The following ALG5 variants were observed in gnomAD, a reference collection of about 807,000 sequenced individuals.
ALG5 encodes the protein ALG5 dolichyl-phosphate beta-glucosyltransferase.
ALG5 carries 26 observed loss-of-function variants against 51.8 expected under a neutral mutation model. The ratio of observed to expected loss-of-function variants is 0.50; its 90% CI spans 0.37 to 0.70. The LOEUF is 0.70. Among genes scored for constraint, ALG5 ranks in the 30% least tolerant of loss-of-function variants. The pLI is 0.00. For synonymous variants in ALG5, 141 were observed against 136.1 expected, an observed-to-expected ratio of 1.04 and a Z score of -0.25; for missense variants, 311 against 399.3, an observed-to-expected ratio of 0.78 and a Z score of 1.88.
intron 7 of ALG5, chr13:36,968,095 C>A (rs73539786): frequency 0.011 from 1,886 of 174,300 alleles, 28 homozygotes; most frequent in African/African-American, 0.042. Flanking sequence ...CAAGGTTAGT[C>A]ACAAACAAGA....
chr13:36,965,837 T>G, intron 7 of ALG5, 111 bp from the exon 8 acceptor site: 3 of 888,122 alleles, frequency 3.4e-6, no homozygotes, highest in Non-Finnish European at 5.0e-6. Context: ...CTGGTAGATC[T>G]TACATAAGAA....
chr13:36,953,982 A>G (rs367857251), intron 8 of ALG5, among the ~76,000 whole-genome samples: 10 of 152,184 alleles, frequency 6.6e-5, no homozygotes, highest in African/African-American at 2.4e-4. Context: ...TAAGGATATC[A>G]GTATATAGCT....
intron 1 of ALG5, among the ~76,000 whole-genome samples, chr13:36,995,809 A>T (rs1450277348): frequency 1.3e-5 from 2 of 152,192 alleles, no homozygotes; most frequent in African/African-American, 4.8e-5. Flanking sequence ...TCCATCAGTA[A>T]GGTGCTGATG....
At chr13:36,989,750 A>G (rs1372576569) in intron 4 of ALG5, among the ~76,000 whole-genome samples, 174 bp from the exon 5 acceptor site, 3 of 152,176 alleles carry the variant, frequency 2.0e-5, no homozygotes, top group Admixed American at 6.5e-5. Context: ...TCTTGGTGCC[A>G]TTGACCTACT....
chr13:36,977,413 AGG>A (rs2058956945), intron 6 of ALG5, among the ~76,000 whole-genome samples: 1 of 152,068 alleles, frequency 6.6e-6, no homozygotes, highest in Non-Finnish European at 1.5e-5. Context: ...GCCACTAGGG[AGG>A]CTGAGGTAAG....
chr13:36,953,807 G>A lies in ALG5; in HGVS notation c.774-1208C>T, dbSNP rs573465423. Among the ~76,000 whole-genome samples, 10 of 152,076 alleles carry A rather than the reference G, an allele frequency of 6.6e-5. No individual in the cohort carries two copies. The East Asian group carries it at 1.2e-3, about 18-fold the overall frequency. On this transcript the variant is annotated intron_variant, in intron 8 of 9. Coordinates refer to ENST00000239891, the MANE Select transcript of ALG5 (RefSeq NM_013338.5). Reference sequence around the variant, plus strand: ...AAGTGGGTTGTATTTTAAAACTTTCGTCCCCTAGAATTGTGATACTTATGA... The same window carrying A: ...AAGTGGGTTGTATTTTAAAACTTTCATCCCCTAGAATTGTGATACTTATGA...
At chr13:36,962,854 G>T (rs1200429556) in intron 8 of ALG5, among the ~76,000 whole-genome samples, 1 of 152,106 alleles carries the variant, frequency 6.6e-6, no homozygotes, top group Non-Finnish European at 1.5e-5. Context: ...ATAGTACAAA[G>T]AAAATAATGT....
chr13:36,958,155 T>G (rs1160338852), intron 8 of ALG5, among the ~76,000 whole-genome samples: 1 of 151,994 alleles, frequency 6.6e-6, no homozygotes, highest in Non-Finnish European at 1.5e-5. Flanking sequence ...CCTTGTCATA[T>G]TTTCCTCCTT....
intron 6 of ALG5, among the ~76,000 whole-genome samples, chr13:36,983,059 G>C (rs1371744837): frequency 3.9e-5 from 6 of 152,092 alleles, no homozygotes; most frequent in South Asian, 2.1e-4. Flanking sequence ...TAGTATAAAG[G>C]AACTAGATTT....
At chr13:36,997,756 T>A (rs2059058179) in intron 1 of ALG5, among the ~76,000 whole-genome samples, 1 of 152,206 alleles carries the variant, frequency 6.6e-6, no homozygotes, top group South Asian at 2.1e-4. Context: ...GATTTAAAGA[T>A]AAAATGTCTT....
intron 8 of ALG5, among the ~76,000 whole-genome samples, chr13:36,964,208 G>A (rs751305839): frequency 2.6e-4 from 40 of 152,248 alleles, no homozygotes; most frequent in Admixed American, 1.8e-3. Context: ...GAGAAGGGGC[G>A]TGGTTAGAAA....
chr13:36,977,974 C>A (rs1255112739), intron 6 of ALG5, among the ~76,000 whole-genome samples: 1 of 149,258 alleles, frequency 6.7e-6, no homozygotes, highest in Non-Finnish European at 1.5e-5. Flanking sequence ...GCAACAACCA[C>A]TTCCTGGGTT....
chr13:36,969,437 A>G (rs2058910890), intron 7 of ALG5, among the ~76,000 whole-genome samples: 1 of 151,488 alleles, frequency 6.6e-6, no homozygotes, highest in Non-Finnish European at 1.5e-5. Context: ...AAAAAGAAAG[A>G]AAAAAAGTAC....
chr13:36,997,443 G>A (rs2059056065), intron 1 of ALG5, among the ~76,000 whole-genome samples: 1 of 146,070 alleles, frequency 6.8e-6, no homozygotes, highest in Non-Finnish European at 1.5e-5. Flanking sequence ...TCCAGCCTGG[G>A]TGACAAGAGC....
At chr13:36,960,459 C>T (rs550923896) in intron 8 of ALG5, among the ~76,000 whole-genome samples, 1 of 152,158 alleles carries the variant, frequency 6.6e-6, no homozygotes, top group East Asian at 1.9e-4. Context: ...AATTATAACA[C>T]TGATTAAAAA....
chr13:36,960,931 C>G (rs1490434805), intron 8 of ALG5, among the ~76,000 whole-genome samples: 1 of 151,836 alleles, frequency 6.6e-6, no homozygotes, highest in Non-Finnish European at 1.5e-5. Flanking sequence ...AGGTGTGAAC[C>G]ACTACACCTG....
chr13:36,959,117 A>C (rs1439200390), intron 8 of ALG5, among the ~76,000 whole-genome samples: 1 of 152,226 alleles, frequency 6.6e-6, no homozygotes, highest in African/African-American at 2.4e-5. Flanking sequence ...CCAGAAAGAC[A>C]AATGTTGCAT....
intron 6 of ALG5, among the ~76,000 whole-genome samples, chr13:36,979,673 C>T (rs1268162922): frequency 6.6e-6 from 1 of 152,048 alleles, no homozygotes; most frequent in Non-Finnish European, 1.5e-5. Flanking sequence ...AATTTTTCTC[C>T]GTATCTTTTT....
intron 7 of ALG5, among the ~76,000 whole-genome samples, chr13:36,969,160 A>G (rs944110394): frequency 6.6e-6 from 1 of 152,220 alleles, no homozygotes; most frequent in African/African-American, 2.4e-5. Context: ...AGACCATAGC[A>G]TAAGTCTCAT....
Sources: allele counts gnomAD v4.1 joint callset (sites outside exome capture counted in the v4.1 genomes callset), GRCh38; gene constraint gnomAD v4.1.1; transcripts MANE v1.5; gene names NCBI Gene and HGNC (gene_info 2026-07-23, HGNC 2026-07-21).